Variants in SPRYD4 observed in about 807,000 individuals in gnomAD.
SPRYD4 encodes the protein SPRY domain-containing protein 4.
Under a neutral mutation model 16.6 loss-of-function variants are expected in SPRYD4, and 12 were observed. That is an observed-to-expected ratio of 0.72 (90% CI 0.46 to 1.17). The LOEUF is 1.17. Ranked by LOEUF, SPRYD4 falls within the 50% of genes most tolerant of loss-of-function variation. SPRYD4 has a pLI of 0.00. For synonymous variants in SPRYD4, 98 were observed against 105.4 expected, an observed-to-expected ratio of 0.93 and a Z score of 0.43; for missense variants, 260 against 260.2, an observed-to-expected ratio of 1.00 and a Z score of 0.00.
At position 56,469,580 on chromosome 12, in the gene SPRYD4, T is replaced by C. The variant is rs1470971449; in HGVS notation, c.*3T>C. The stretch of plus-strand genomic sequence containing the variant: ...TTGAGGTGCCCGAGGGCCTCTAGTA[T>C]GTCCATTACTGGAGTCCCTAATCAC... On this transcript the variant is annotated 3_prime_UTR_variant, in exon 2 of 2. Transcript: ENST00000338146. The C allele has an allele frequency of 6.2e-7, 1 of 1,608,514 alleles. No homozygotes were observed. The highest frequency in any genetic ancestry group is 1.3e-5 in the African/African-American group (1 of 74,858).
Position 56,477,834 on chromosome 12 carries a change from A to G in SPRYD4, c.*8257A>G, listed in dbSNP as rs1869956546. 1.3e-6 allele frequency: 2 copies of G among 1,541,616 alleles called. No individual in the cohort carries two copies. Among genetic ancestry groups the G allele is most frequent in the Non-Finnish European group, 1.8e-6 (2 of 1,132,874 alleles). On this transcript the variant is annotated 3_prime_UTR_variant, in exon 2 of 2. Coordinates refer to ENST00000338146, the MANE Select transcript of SPRYD4 (RefSeq NM_207344.4). ...CTAGGGAGAAAGGCATGACAGGGCTAATCAGGAAGGGCAGAGAAACAAAAA... is the reference window on the plus strand; with the variant it reads ...CTAGGGAGAAAGGCATGACAGGGCTGATCAGGAAGGGCAGAGAAACAAAAA...
Position 56,469,387 on chromosome 12 carries a change from T to C in SPRYD4, c.434T>C (p.Ile145Thr), listed in dbSNP as rs768798132. 6 of 1,613,856 alleles carry C rather than the reference T, an allele frequency of 3.7e-6. No individual in the cohort carries two copies. The South Asian group carries it at 4.4e-5, about 12-fold the overall frequency. Residue 145 changes from isoleucine to threonine, a missense_variant, in exon 2 of 2, where the codon ATT (isoleucine) becomes ACT (threonine). By Grantham distance (89) the Ile-to-Thr change is moderately conservative (BLOSUM62 -1). Transcript: ENST00000338146. ...LANEKAPVEG[I>T]GQPEKVGLLL... ...AACGAGAAAGCCCCAGTTGAGGGTA[T>C]TGGGCAGCCAGAGAAGGTGGGGCTG... is the stretch of plus-strand genomic sequence containing the variant.
In SPRYD4 at chr12:56,468,696, C is replaced by T. The variant is rs1295091844; in HGVS notation, c.85+20C>T. 9.4e-6 allele frequency: 15 copies of T among 1,604,262 alleles called. No individual in the cohort carries two copies. Among genetic ancestry groups the T allele is most frequent in the Non-Finnish European group, 1.3e-5 (15 of 1,171,556 alleles). ...AGAGAGGTAGGATTATCTCTTTTTACTCTTTTACCTCCAGAATGGCTGCCG... is the reference window on the plus strand; with the variant it reads ...AGAGAGGTAGGATTATCTCTTTTTATTCTTTTACCTCCAGAATGGCTGCCG... On this transcript the variant is annotated intron_variant, in intron 1 of 1. Transcript: ENST00000338146.
chr12:56,472,973 T>C lies in SPRYD4; in HGVS notation c.*3396T>C, dbSNP rs533163004. On this transcript the variant is annotated 3_prime_UTR_variant, in exon 2 of 2. Transcript: ENST00000338146. ...CGCGCGGTCTTGGCTCACTGCAACC[T>C]CTGCCTCCCGGTTTCAAGCGATTCT... 21 of 548,772 alleles carry C rather than the reference T, an allele frequency of 3.8e-5. No homozygotes were observed. The highest frequency in any genetic ancestry group is 6.4e-5 in the Non-Finnish European group (20 of 313,962). 34.0% of individuals were successfully genotyped at this position (548,772 alleles called of 1,614,324 possible).
Position 56,475,901 on chromosome 12 carries a change from C to T in SPRYD4, c.*6324C>T. ...TGGGGCAGCTGGAGAGGACAGCATG[C>T]CATGGCGAAATGCAGCCAGGGGCTA... On this transcript the variant is annotated 3_prime_UTR_variant, in exon 2 of 2. Transcript: ENST00000338146. The T allele has an allele frequency of 1.2e-6, 2 of 1,608,636 alleles. No individual in the cohort carries two copies. The highest frequency in any genetic ancestry group is 1.7e-6 in the Non-Finnish European group (2 of 1,175,344).
rs1565702113 is a variant in SPRYD4 at position 56,474,097 on chromosome 12, TTTC to T, written c.*4523_*4525del. ...CTCTGGTTGTTTTTCTTTTTCTTTT[TTTC>T]TTTTTTTTTGAGATGGAGTTTTGCT... On this transcript the variant is annotated 3_prime_UTR_variant, in exon 2 of 2. Transcript: ENST00000338146. The T allele has an allele frequency of 3.4e-3, 324 of 96,338 alleles. 1 individual carries two copies. The highest frequency in any genetic ancestry group is 0.011 in the South Asian group (49 of 4,280). The allele number at this position is 96,338 out of a possible 1,614,324, so 6.0% of individuals were successfully genotyped here.
intron 1 of SPRYD4, 168 bp from the exon 2 acceptor site, chr12:56,468,871 C>G: frequency 9.6e-7 from 1 of 1,044,122 alleles, no homozygotes; most frequent in Non-Finnish European, 1.4e-6. Context: ...TTTTTCAGCT[C>G]CGTGAGCTAT....
At position 56,475,686 on chromosome 12, in the gene SPRYD4, G is replaced by A; in HGVS notation, c.*6109G>A. On this transcript the variant is annotated 3_prime_UTR_variant, in exon 2 of 2. Coordinates refer to ENST00000338146, the MANE Select transcript of SPRYD4 (RefSeq NM_207344.4). ...TTTTGTTGAGATACTGCAACACCTG[G>A]AAGAGAAAAAGGGACATTGAGGCTC... 6.2e-7 allele frequency: 1 copy of A among 1,613,934 alleles called. No individual in the cohort carries two copies. Among genetic ancestry groups the A allele is most frequent in the Non-Finnish European group, 8.5e-7 (1 of 1,179,944 alleles).
Position 56,475,030 on chromosome 12 carries a change from C to G in SPRYD4, c.*5453C>G. The G allele has an allele frequency of 6.2e-7, 1 of 1,614,120 alleles. No homozygotes were observed. The highest frequency in any genetic ancestry group is 8.5e-7 in the Non-Finnish European group (1 of 1,180,050). On this transcript the variant is annotated 3_prime_UTR_variant, in exon 2 of 2. Transcript: ENST00000338146. ...AATTCCCAGGGACTTTCTCTTCCGGCCTCTTCTGGTTACCTTCTTTTCCTT... is the reference window on the plus strand; with the variant it reads ...AATTCCCAGGGACTTTCTCTTCCGGGCTCTTCTGGTTACCTTCTTTTCCTT...
chr12:56,472,181 G>T lies in SPRYD4; in HGVS notation c.*2604G>T. 2 of 1,614,160 alleles carry T rather than the reference G, an allele frequency of 1.2e-6. No homozygotes were observed. The highest frequency in any genetic ancestry group is 2.2e-5 in the South Asian group (2 of 91,080). ...ATAGTCTTTCTGTTCCATATCCATG[G>T]CTGACAAGGCAAACCTGAGGGTAGT... On this transcript the variant is annotated 3_prime_UTR_variant, in exon 2 of 2. Coordinates refer to ENST00000338146, the MANE Select transcript of SPRYD4 (RefSeq NM_207344.4).
At position 56,475,660 on chromosome 12, in the gene SPRYD4, A is replaced by G; in HGVS notation, c.*6083A>G. ...GAAACCCATGTATTCATTCCCAGCC[A>G]TTTTGTTGAGATACTGCAACACCTG... is the stretch of plus-strand genomic sequence containing the variant. On this transcript the variant is annotated 3_prime_UTR_variant, in exon 2 of 2. Transcript: ENST00000338146. The G allele has an allele frequency of 6.2e-7, 1 of 1,614,144 alleles. No individual in the cohort carries two copies. The highest frequency in any genetic ancestry group is 1.1e-5 in the South Asian group (1 of 91,084).
chr12:56,469,356 T>G lies in SPRYD4; in HGVS notation c.403T>G (p.Leu135Val). The change falls in exon 2 of 2, where the codon TTG becomes GTG. Residue 135 changes from leucine to valine, a missense_variant. Physicochemically the swap from Leu to Val is conservative, Grantham distance 32 (BLOSUM62 1). Coordinates refer to ENST00000338146, the MANE Select transcript of SPRYD4 (RefSeq NM_207344.4). ...TYAQRKWYTM[L>V]ANEKAPVEGI... is the part of the protein sequence containing the mutation. Reference sequence around the variant, plus strand: ...TGCCCAGCGCAAGTGGTACACCATGTTGGCCAACGAGAAAGCCCCAGTTGA... The same window carrying G: ...TGCCCAGCGCAAGTGGTACACCATGGTGGCCAACGAGAAAGCCCCAGTTGA... The G allele has an allele frequency of 6.2e-7, 1 of 1,614,154 alleles. No individual in the cohort carries two copies. The highest frequency in any genetic ancestry group is 8.5e-7 in the Non-Finnish European group (1 of 1,180,028).
chr12:56,475,394 G>A lies in SPRYD4; in HGVS notation c.*5817G>A, dbSNP rs1301035308. ...AAAGTCTTGGCAAGAAAGGGCTTAG[G>A]CACAAACCATCACACTGCCTCTCTC... On this transcript the variant is annotated 3_prime_UTR_variant, in exon 2 of 2. Transcript: ENST00000338146. The A allele has an allele frequency of 4.0e-6, 3 of 753,056 alleles. No homozygotes were observed. The highest frequency in any genetic ancestry group is 5.4e-5 in the East Asian group (2 of 37,122). The allele number at this position is 753,056 out of a possible 1,614,324, so 46.6% of individuals were successfully genotyped here.
At position 56,472,669 on chromosome 12, in the gene SPRYD4, A is replaced by ATT; in HGVS notation, c.*3094_*3095dup. On this transcript the variant is annotated 3_prime_UTR_variant, in exon 2 of 2. Transcript: ENST00000338146. Reference sequence around the variant, plus strand: ...TGACCAGGAGTATTTTATTGTGTATATTTGGTCACAGTAGCATTACCTTCG... The same window carrying ATT: ...TGACCAGGAGTATTTTATTGTGTATATTTTTGGTCACAGTAGCATTACCTTCG... 1 of 1,608,666 alleles carries ATT rather than the reference A, an allele frequency of 6.2e-7. No homozygotes were observed. The highest frequency in any genetic ancestry group is 8.5e-7 in the Non-Finnish European group (1 of 1,175,336).
Position 56,474,917 on chromosome 12 carries a change from A to G in SPRYD4, c.*5340A>G. ...AAGCACTGCAAGGAAGAGAGGGGAG[A>G]GCATTTCTCTTCAGGACATCAGCCC... On this transcript the variant is annotated 3_prime_UTR_variant, in exon 2 of 2. Transcript: ENST00000338146. 6.2e-7 allele frequency: 1 copy of G among 1,614,068 alleles called. No homozygotes were observed. The highest frequency in any genetic ancestry group is 8.5e-7 in the Non-Finnish European group (1 of 1,180,008).
Position 56,473,256 on chromosome 12 carries a change from T to C in SPRYD4, c.*3679T>C. The C allele has an allele frequency of 6.2e-7, 1 of 1,614,092 alleles. No individual in the cohort carries two copies. The highest frequency in any genetic ancestry group is 8.5e-7 in the Non-Finnish European group (1 of 1,180,016). On this transcript the variant is annotated 3_prime_UTR_variant, in exon 2 of 2. Coordinates refer to ENST00000338146, the MANE Select transcript of SPRYD4 (RefSeq NM_207344.4). Reference sequence around the variant, plus strand: ...AATTTCTGCCCCTTCACGCCGTGGGTCTAACTTCCGAGCACAGTGCCTCAG... The same window carrying C: ...AATTTCTGCCCCTTCACGCCGTGGGCCTAACTTCCGAGCACAGTGCCTCAG...
At position 56,478,040 on chromosome 12, in the gene SPRYD4, A is replaced by G. The variant is rs770417416; in HGVS notation, c.*8463A>G. 7.4e-6 allele frequency: 12 copies of G among 1,614,074 alleles called. No individual in the cohort carries two copies. The Admixed American group carries it at 1.2e-4, about 16-fold the overall frequency. ...GGTGCTTATGGAGATGGCATAGGTG[A>G]GGGGCTTCACACAGGACTGCAGGCA... On this transcript the variant is annotated 3_prime_UTR_variant, in exon 2 of 2. Coordinates refer to ENST00000338146, the MANE Select transcript of SPRYD4 (RefSeq NM_207344.4).
At position 56,473,039 on chromosome 12, in the gene SPRYD4, G is replaced by A. The variant is rs1869448688; in HGVS notation, c.*3462G>A. On this transcript the variant is annotated 3_prime_UTR_variant, in exon 2 of 2. Transcript: ENST00000338146. The stretch of plus-strand genomic sequence containing the variant: ...CAAGTAGCTGGGACCACAGGCGCGT[G>A]CCACCACGTCTGGCTAATTTTTTGT... 3 of 613,774 alleles carry A rather than the reference G, an allele frequency of 4.9e-6. No individual in the cohort carries two copies. Among genetic ancestry groups the A allele is most frequent in the Non-Finnish European group, 8.4e-6 (3 of 356,772 alleles). 38.0% of individuals were successfully genotyped at this position (613,774 alleles called of 1,614,324 possible).
rs763817843 is a variant in SPRYD4 at position 56,477,665 on chromosome 12, T to A, written c.*8088T>A. 1.2e-6 allele frequency: 2 copies of A among 1,613,332 alleles called. No homozygotes were observed. The highest frequency in any genetic ancestry group is 1.7e-6 in the Non-Finnish European group (2 of 1,179,694). ...AAGGTTAAGGTGGCACTGACCTTGA[T>A]CAGGGAGCTGACAACAATGGCACCA... is the stretch of plus-strand genomic sequence containing the variant. On this transcript the variant is annotated 3_prime_UTR_variant, in exon 2 of 2. Coordinates refer to ENST00000338146, the MANE Select transcript of SPRYD4 (RefSeq NM_207344.4).
Sources: allele counts gnomAD v4.1 joint callset, GRCh38; gene constraint gnomAD v4.1.1; transcripts MANE v1.5; gene names NCBI Gene and HGNC (gene_info 2026-07-23, HGNC 2026-07-21).